The following GRID2 variants were observed in gnomAD, a reference collection of about 807,000 sequenced individuals.
GRID2 encodes glutamate receptor ionotropic, delta-2.
GRID2 carries 33 observed loss-of-function variants against 114.8 expected under a neutral mutation model. That is an observed-to-expected ratio of 0.29 (90% CI 0.22 to 0.38). GRID2 has a LOEUF of 0.38. Among genes scored for constraint, GRID2 ranks in the 10% least tolerant of loss-of-function variants. The pLI is 1.00. For missense variants in GRID2, 1,184 were observed against 1,257.7 expected, an observed-to-expected ratio of 0.94 and a Z score of 0.89; for synonymous variants, 505 against 449.9, an observed-to-expected ratio of 1.12 and a Z score of -1.55.
intron 2 of GRID2, among the ~76,000 whole-genome samples, chr4:93,017,806 GAA>G (rs796967580): frequency 8.1e-5 from 4 of 49,290 alleles, no homozygotes; most frequent in Non-Finnish European, 1.7e-4. Context: ...TCCTTTTCAA[GAA>G]AAAAAAAAAA....
chr4:93,741,200 T>TA, intron 14 of GRID2, among the ~76,000 whole-genome samples: 1 of 27,810 alleles, frequency 3.6e-5, no homozygotes, highest in Non-Finnish European at 6.1e-5. Context: ...TATATATATA[T>TA]GTATATATAT....
rs570968543 is a variant in GRID2, at chr4:92,877,449, G to A, written c.245-207546G>A. Reference sequence around the variant, plus strand: ...TGAAGTAACTTTGTAACTGTGCTGAGTCCGTGAAGGAGGTACACTAGTTGA... The same window carrying A: ...TGAAGTAACTTTGTAACTGTGCTGAATCCGTGAAGGAGGTACACTAGTTGA... On this transcript the variant is annotated intron_variant, in intron 2 of 15. Transcript: ENST00000282020. Among the ~76,000 whole-genome samples, 4 of 152,296 alleles carry A rather than the reference G, an allele frequency of 2.6e-5. No individual in the cohort carries two copies. In the South Asian group the frequency reaches 8.3e-4, roughly 32 times the overall value.
At chr4:93,104,479 C>T (rs955856927) in intron 3 of GRID2, among the ~76,000 whole-genome samples, 1 of 151,714 alleles carries the variant, frequency 6.6e-6, no homozygotes, top group South Asian at 2.1e-4. Context: ...CACAACAGTC[C>T]CCAGAGTGTG....
At chr4:92,885,427 A>AT (rs1198370922) in intron 2 of GRID2, among the ~76,000 whole-genome samples, 3 of 152,264 alleles carry the variant, frequency 2.0e-5, no homozygotes, top group South Asian at 2.1e-4. Context: ...TAAGCCTCAG[A>AT]TTTTTTGTGT....
intron 8 of GRID2, among the ~76,000 whole-genome samples, chr4:93,242,031 A>T (rs1488310173): frequency 6.6e-6 from 1 of 151,830 alleles, no homozygotes; most frequent in Non-Finnish European, 1.5e-5. Flanking sequence ...ACTTAACCAT[A>T]GGCACCGGGG....
At chr4:93,118,078 A>G (rs1160480690) in intron 4 of GRID2, among the ~76,000 whole-genome samples, 2 of 152,268 alleles carry the variant, frequency 1.3e-5, no homozygotes, top group East Asian at 3.9e-4. Context: ...CAAGACTTCT[A>G]TGACTCTGCA....
At chr4:92,628,584 C>T (rs1730638835) in intron 2 of GRID2, among the ~76,000 whole-genome samples, 1 of 152,142 alleles carries the variant, frequency 6.6e-6, no homozygotes, top group Non-Finnish European at 1.5e-5. Context: ...TCTCGAACTC[C>T]TGAGGAAAGG....
At chr4:93,091,232 G>T (rs1196909382) in intron 3 of GRID2, among the ~76,000 whole-genome samples, 3 of 152,008 alleles carry the variant, frequency 2.0e-5, no homozygotes, top group African/African-American at 7.2e-5. Context: ...ATTACCACCC[G>T]ATGTAATGAG....
chr4:92,876,464 C>G (rs1745638982), intron 2 of GRID2, among the ~76,000 whole-genome samples: 1 of 151,986 alleles, frequency 6.6e-6, no homozygotes. Flanking sequence ...GCCACCACAC[C>G]TGGCTAATTT....
intron 12 of GRID2, among the ~76,000 whole-genome samples, chr4:93,493,070 G>A (rs148544328): frequency 1.8e-4 from 27 of 151,772 alleles, no homozygotes; most frequent in Non-Finnish European, 3.8e-4. Flanking sequence ...GTTGCAAATG[G>A]CAAATAGCAA....
At chr4:93,383,483 A>G (rs950680545) in intron 8 of GRID2, among the ~76,000 whole-genome samples, 3 of 152,314 alleles carry the variant, frequency 2.0e-5, no homozygotes, top group Admixed American at 1.3e-4. Context: ...GGAAGTTTCA[A>G]GCCTTCAATA....
At chr4:93,059,012 G>T (rs1006796103) in intron 2 of GRID2, among the ~76,000 whole-genome samples, 1 of 151,978 alleles carries the variant, frequency 6.6e-6, no homozygotes, top group Non-Finnish European at 1.5e-5. Flanking sequence ...TCACATAGTA[G>T]AAAGAAGCCA....
rs77817566 is a variant in GRID2, at chr4:93,057,776, C to T, written c.245-27219C>T. Among the ~76,000 whole-genome samples the T allele has an allele frequency of 2.0e-5, 3 of 151,798 alleles. No individual in the cohort carries two copies. The East Asian group carries it at 5.8e-4, about 30-fold the overall frequency. ...ACATTATAATATTCAATGAACAGCACCCGCCAGAATTCTTATCTGCATTTA... is the reference window on the plus strand; with the variant it reads ...ACATTATAATATTCAATGAACAGCATCCGCCAGAATTCTTATCTGCATTTA... On this transcript the variant is annotated intron_variant, in intron 2 of 15. Transcript: ENST00000282020.
chr4:93,223,069 C>T (rs145505978), intron 6 of GRID2, among the ~76,000 whole-genome samples: 115 of 152,186 alleles, frequency 7.6e-4, no homozygotes, highest in African/African-American at 2.6e-3. Flanking sequence ...TTTTGATTTC[C>T]CTGGGCATGT....
exon 2 of GRID2, chr4:93,808,371 GGTT>G (rs1304890833): frequency 6.6e-6 from 1 of 152,104 alleles, no homozygotes; most frequent in African/African-American, 2.4e-5. Flanking sequence ...TACCTCACAG[GGTT>G]GTTGTGAGAA....
intron 13 of GRID2, among the ~76,000 whole-genome samples, chr4:93,600,215 A>G (rs1226404845): frequency 6.6e-6 from 1 of 152,208 alleles, no homozygotes; most frequent in African/African-American, 2.4e-5. Context: ...CAAACTTGAT[A>G]CATTGGATTT....
At chr4:92,345,687 TTATC>T (rs1727729237) in intron 1 of GRID2, among the ~76,000 whole-genome samples, 1 of 152,232 alleles carries the variant, frequency 6.6e-6, no homozygotes, top group African/African-American at 2.4e-5. Context: ...TTTTTAAAAA[TTATC>T]TATAACGATT....
intron 4 of GRID2, among the ~76,000 whole-genome samples, chr4:93,185,895 CT>C (rs1740361808): frequency 1.3e-5 from 2 of 152,268 alleles, no homozygotes; most frequent in South Asian, 2.1e-4. Context: ...ATCCCTCCCC[CT>C]GACCCCCACC....
intron 7 of GRID2, among the ~76,000 whole-genome samples, chr4:93,228,698 A>C (rs1417003619): frequency 6.6e-6 from 1 of 152,184 alleles, no homozygotes; most frequent in Non-Finnish European, 1.5e-5. Context: ...GTATAAATCC[A>C]AGGGAGGTTG....
Sources: allele counts gnomAD v4.1 joint callset (sites outside exome capture counted in the v4.1 genomes callset), GRCh38; gene constraint gnomAD v4.1.1; transcripts MANE v1.5; gene names NCBI Gene and HGNC (gene_info 2026-07-23, HGNC 2026-07-21).